Variants in CARD10 observed in about 807,000 individuals in gnomAD.
CARD10 encodes caspase recruitment domain-containing protein 10.
In CARD10, 49 loss-of-function variants were observed where a neutral mutation model predicts 114.6. The ratio of observed to expected loss-of-function variants is 0.43; its 90% CI spans 0.34 to 0.54. The LOEUF is 0.54. CARD10 is among the 20% of genes least tolerant of loss of function. The probability of loss-of-function intolerance (pLI) is 0.03; values close to 1 mark genes in which losing one functional copy is unlikely to be tolerated. For synonymous variants in CARD10, 602 were observed against 593.2 expected (o/e 1.01, Z -0.21); for missense variants, 1,206 against 1,397.2 (o/e 0.86, Z 2.18).
chr22:37,496,094 C>T lies in CARD10; in HGVS notation c.2060-91G>A, dbSNP rs1601809049. On this transcript the variant is annotated intron_variant, in intron 13 of 19. Transcript: ENST00000251973. This position sits in a 1 kb window ranked among gnomAD's most constrained non-coding sequence, Gnocchi z 4.1. ...CCTTGGTGGGGCCAAAGACATGGCC[C>T]TCTCGAGGCCTGAGTTCCCAGGACC... 1 of 1,503,758 alleles carries T rather than the reference C, an allele frequency of 6.7e-7. No homozygotes were observed. The highest frequency in any genetic ancestry group is 9.0e-7 in the Non-Finnish European group (1 of 1,113,066). 93.2% of individuals were successfully genotyped at this position (1,503,758 alleles called of 1,614,324 possible).
intron 3 of CARD10, chr22:37,511,932 C>T (rs1262143111): frequency 1.3e-5 from 2 of 152,216 alleles, no homozygotes; most frequent in Non-Finnish European, 2.9e-5. Flanking sequence ...TCCTCTGGGC[C>T]TCAGTTTCCT....
intron 4 of CARD10, among the ~76,000 whole-genome samples, chr22:37,509,371 T>C (rs1923530467): frequency 6.6e-6 from 1 of 151,932 alleles, no homozygotes. Context: ...TTTTAGGGAG[T>C]TTGAGGACCT....
intron 3 of CARD10, 61 bp from the exon 4 acceptor site, chr22:37,510,482 G>T: frequency 6.6e-7 from 1 of 1,505,304 alleles, no homozygotes. Flanking sequence ...GGGTTACAGG[G>T]GTGGGAAGAC....
Position 37,504,653 on chromosome 22 carries a change from T to TC in CARD10, c.1499dup (p.Pro501ThrfsTer2). 6.6e-7 allele frequency: 1 copy of TC among 1,513,342 alleles called. No homozygotes were observed. Among genetic ancestry groups the TC allele is most frequent in the Admixed American group, 2.2e-5 (1 of 44,550 alleles). 93.7% of individuals were successfully genotyped at this position (1,513,342 alleles called of 1,614,324 possible). On this transcript the variant is annotated frameshift_variant, in exon 8 of 20. Transcript: ENST00000251973. LOFTEE classifies it high-confidence loss of function. ...GTCTTACCGAGTTGTGAGGCTCAGGTCCCCCCATGACAGCTGCCTCCCCAG... is the reference window on the plus strand; with the variant it reads ...GTCTTACCGAGTTGTGAGGCTCAGGTCCCCCCCATGACAGCTGCCTCCCCAG...
intron 3 of CARD10, among the ~76,000 whole-genome samples, chr22:37,511,442 G>GA (rs1923645212): frequency 7.6e-6 from 1 of 131,810 alleles, no homozygotes; most frequent in African/African-American, 3.1e-5. Context: ...GAGGTAGAAG[G>GA]AGAAGGAGGA....
At position 37,496,857 on chromosome 22, in the gene CARD10, A is replaced by G. The variant is rs960436485; in HGVS notation, c.1947+162T>C. 1 of 858,096 alleles carries G rather than the reference A, an allele frequency of 1.2e-6. No homozygotes were observed. The highest frequency in any genetic ancestry group is 1.7e-5 in the African/African-American group (1 of 59,180). 53.2% of individuals were successfully genotyped at this position (858,096 alleles called of 1,614,324 possible). ...TCCCTGCCCAATCAGACTTCAATTA[A>G]GCCTGGCTGAGCAGGCAACCACAGC... On this transcript the variant is annotated intron_variant, in intron 12 of 19. Transcript: ENST00000251973. The surrounding 1 kb of genome is among the most constrained non-coding windows in gnomAD (Gnocchi z 4.1).
chr22:37,508,616 G>T lies in CARD10; in HGVS notation c.976C>A (p.Arg326=). Residue 326 remains arginine, a synonymous_variant, in exon 5 of 20, where the codon CGG becomes AGG. Transcript: ENST00000251973. ...ILLDILEHDW[R]EAQDSRQELC... The stretch of plus-strand genomic sequence containing the variant: ...TCCTGCCTGCTGTCCTGCGCCTCCC[G>T]CCAGTCATGCTCTAGGATGTCCAGC... 6.3e-7 allele frequency: 1 copy of T among 1,590,540 alleles called. No homozygotes were observed. Among genetic ancestry groups the T allele is most frequent in the Non-Finnish European group, 8.5e-7 (1 of 1,172,294 alleles).
At chr22:37,497,377 C>T (rs1923043251) in intron 11 of CARD10, 199 bp from the exon 12 acceptor site, 2 of 621,632 alleles carry the variant, frequency 3.2e-6, no homozygotes, top group East Asian at 2.8e-5. Context: ...AAGTCACAAG[C>T]AGCCTCTCCC....
chr22:37,516,434 G>A (rs1923849292), intron 2 of CARD10, 136 bp from the exon 3 acceptor site: 5 of 631,288 alleles, frequency 7.9e-6, no homozygotes, highest in Non-Finnish European at 1.0e-5. Context: ...ATTGGGAGCA[G>A]GGGAGGTCTT....
At position 37,491,345 on chromosome 22, in the gene CARD10, C is replaced by A; in HGVS notation, c.2913G>T (p.Gln971His). Reference sequence around the variant, plus strand: ...AGAGCACCTGCTCTGAGCCACGGCACTGCCGCAGCAGCTCTGAGTCCCGCC... The same window carrying A: ...AGAGCACCTGCTCTGAGCCACGGCAATGCCGCAGCAGCTCTGAGTCCCGCC... The part of the protein sequence containing the change: ...PGWRDSELLR[Q>H]CRGSEQVLWG... Residue 971 changes from glutamine to histidine, a missense_variant, in exon 20 of 20, where the codon CAG (glutamine) becomes CAT (histidine). Gln to His is a conservative substitution (Grantham distance 24). This residue lies in a region of CARD10 where 1,068 missense variants were observed against 1,179.1 expected (regional missense o/e 0.91). Coordinates refer to ENST00000251973, the MANE Select transcript of CARD10 (RefSeq NM_014550.4). 1.3e-6 allele frequency: 2 copies of A among 1,541,496 alleles called. No individual in the cohort carries two copies. The highest frequency in any genetic ancestry group is 8.7e-7 in the Non-Finnish European group (1 of 1,146,976).
chr22:37,518,802 G>C (rs1923928868), intron 1 of CARD10, among the ~76,000 whole-genome samples, 164 bp downstream of exon 1: 1 of 152,232 alleles, frequency 6.6e-6, no homozygotes, highest in African/African-American at 2.4e-5. Context: ...AGTGGTGGGT[G>C]GGGAGGAGGC....
intron 1 of CARD10, 35 bp from the exon 2 acceptor site, chr22:37,518,143 G>T: frequency 6.2e-7 from 1 of 1,600,674 alleles, no homozygotes. Flanking sequence ...CCAGGGTCTA[G>T]GGGAAGGCCT....
At chr22:37,509,147 T>G (rs1923522477) in intron 4 of CARD10, 1 of 1,480,300 alleles carries the variant, frequency 6.8e-7, no homozygotes, top group East Asian at 2.5e-5. Context: ...CCCAGCCAAG[T>G]GCCCCAACCC....
intron 14 of CARD10, 59 bp downstream of exon 14, chr22:37,495,701 C>T: frequency 6.2e-7 from 1 of 1,611,134 alleles, no homozygotes; most frequent in Non-Finnish European, 8.5e-7. Context: ...GGGAGAGCAC[C>T]CCCATCTGAG....
chr22:37,514,064 A>G (rs2145775292), intron 3 of CARD10, among the ~76,000 whole-genome samples: 1 of 149,618 alleles, frequency 6.7e-6, no homozygotes, highest in East Asian at 2.0e-4. Context: ...AGATCTCACC[A>G]CTGCACTCAA....
rs755522562 is a variant in CARD10, at chr22:37,497,065, C to T, written c.1901G>A (p.Arg634His). 14 of 1,613,996 alleles carry T rather than the reference C, an allele frequency of 8.7e-6. No homozygotes were observed. Among genetic ancestry groups the T allele is most frequent in the South Asian group, 3.3e-5 (3 of 91,028 alleles). The change falls in exon 12 of 20, where the codon CGC (arginine) becomes CAC (histidine). Residue 634 changes from arginine (R) to histidine (H), a missense_variant. Arg to His is a conservative substitution (Grantham distance 29). Transcript: ENST00000251973. ...GGACCCAGGCCCAGACAGCACCCTG[C>T]GCACCACAGCCCCAGACCATCTGTC... ...YGDRWSGAVVRRVLSGPGSAR... is the reference protein window; with the variant it reads ...YGDRWSGAVVHRVLSGPGSAR...
intron 3 of CARD10, among the ~76,000 whole-genome samples, chr22:37,513,495 G>A (rs1237711452): frequency 5.3e-5 from 8 of 151,998 alleles, no homozygotes; most frequent in Non-Finnish European, 2.9e-5. Context: ...AGGCACCTCC[G>A]ACCATCTCTT....
chr22:37,512,461 C>CG (rs1402779348), intron 3 of CARD10, among the ~76,000 whole-genome samples: 1 of 132,812 alleles, frequency 7.5e-6, no homozygotes, highest in African/African-American at 2.9e-5. Flanking sequence ...TGGCAGCCCC[C>CG]CCTCCACACA....
At chr22:37,508,469 A>G (rs1923491304) in intron 5 of CARD10, 58 bp downstream of exon 5, 1 of 1,491,720 alleles carries the variant, frequency 6.7e-7, no homozygotes, top group Admixed American at 2.1e-5. Flanking sequence ...AGGCGTGAGC[A>G]CACAGGCCCT....
Sources: gnomAD v4.1 joint callset for allele counts (sites outside exome capture counted in the v4.1 genomes callset) on GRCh38, gnomAD v4.1.1 for gene constraint, gnomAD v4.1.1 regional missense constraint, Gnocchi (gnomAD v3.1) non-coding constraint, MANE v1.5 for transcripts, NCBI Gene and HGNC (gene_info 2026-07-23, HGNC 2026-07-21) for gene names.